DHX35: variants seen among roughly 807,000 people sequenced by gnomAD.
The protein encoded by DHX35 is DEAH-box helicase 35.
DHX35 carries 84 observed loss-of-function variants against 99.6 expected under a neutral mutation model. That is an observed-to-expected ratio of 0.84 (90% CI 0.71 to 1.01). The LOEUF is 1.01. Ranked by LOEUF, DHX35 falls within the 50% of genes least tolerant of loss-of-function variation. The pLI is 0.00. For missense variants in DHX35, 852 were observed against 888.5 expected (o/e 0.96, Z 0.52); for synonymous variants, 331 against 316.2 (o/e 1.05, Z -0.50).
In DHX35 at chr20:38,973,829, C is replaced by T. The variant is rs566740047; in HGVS notation, c.267+1178C>T. 3.3e-5 allele frequency among the ~76,000 whole-genome samples: 5 copies of T among 152,296 alleles called. No individual in the cohort carries two copies. In the East Asian group the frequency reaches 7.7e-4, roughly 23 times the overall value. On this transcript the variant is annotated intron_variant, in intron 3 of 21. Coordinates refer to ENST00000252011, the MANE Select transcript of DHX35 (RefSeq NM_021931.4). ...TTGAACAGTTTTGACAGAGACCCTA[C>T]GATCCTCAAAACCTAAAAATTACCA...
At chr20:38,966,819 A>G (rs2085918761) in intron 1 of DHX35, among the ~76,000 whole-genome samples, 1 of 152,268 alleles carries the variant, frequency 6.6e-6, no homozygotes, top group African/African-American at 2.4e-5. Context: ...GGACAAAAAC[A>G]CAGCAGAAAA....
At chr20:38,987,047 G>A (rs1420989001) in intron 4 of DHX35, among the ~76,000 whole-genome samples, 2 of 152,214 alleles carry the variant, frequency 1.3e-5, no homozygotes, top group African/African-American at 4.8e-5. Context: ...ACATGTGCCA[G>A]CCATGTTCTA....
rs181603012 is a variant in DHX35, at chr20:38,991,427, C to T, written c.451-27C>T. Reference sequence around the variant, plus strand: ...AATATGTAGTGTAAGTGAATTATTTCTAAAGCTTTGTGTTTTTATTTTTTA... The same window carrying T: ...AATATGTAGTGTAAGTGAATTATTTTTAAAGCTTTGTGTTTTTATTTTTTA... On this transcript the variant is annotated intron_variant, in intron 5 of 21. Coordinates refer to ENST00000252011, the MANE Select transcript of DHX35 (RefSeq NM_021931.4). 1.0e-5 allele frequency: 16 copies of T among 1,603,638 alleles called. No homozygotes were observed. The Admixed American group carries it at 1.0e-4, about 10-fold the overall frequency.
At chr20:39,007,162 G>A (rs980073485) in intron 12 of DHX35, among the ~76,000 whole-genome samples, 1 of 152,134 alleles carries the variant, frequency 6.6e-6, no homozygotes, top group Non-Finnish European at 1.5e-5. Context: ...AAGGTCCAGG[G>A]GTTTTAGCTC....
intron 21 of DHX35, 84 bp from the exon 22 acceptor site, chr20:39,038,415 G>A (rs1345320243): frequency 2.8e-6 from 4 of 1,416,590 alleles, no homozygotes; most frequent in Non-Finnish European, 2.0e-6. Context: ...AAGATTTGAT[G>A]TGGTCATTCA....
intron 14 of DHX35, among the ~76,000 whole-genome samples, chr20:39,016,754 T>G (rs917563746): frequency 6.6e-6 from 1 of 152,206 alleles, no homozygotes; most frequent in Non-Finnish European, 1.5e-5. Flanking sequence ...GATTTGCGTT[T>G]CCCTGATGAG....
At position 38,969,093 on chromosome 20, in the gene DHX35, C is replaced by T; in HGVS notation, c.53C>T (p.Pro18Leu). 6.2e-7 allele frequency: 1 copy of T among 1,610,114 alleles called. No homozygotes were observed. Among genetic ancestry groups the T allele is most frequent in the Non-Finnish European group, 8.5e-7 (1 of 1,177,510 alleles). The change falls in exon 2 of 22, where the codon CCA becomes CTA. Residue 18 changes from proline to leucine, a missense_variant. Coordinates refer to ENST00000252011, the MANE Select transcript of DHX35 (RefSeq NM_021931.4). The stretch of plus-strand genomic sequence containing the variant: ...ATTTCTGCTGCAGGTACAGAGGGGC[C>T]AGGTGTAAGCATCTCTGAAGAGAGA... ...VKFWRPGTEG[P>L]GVSISEERQS...
chr20:39,033,611 A>G (rs1012012725), intron 20 of DHX35, among the ~76,000 whole-genome samples: 9 of 152,190 alleles, frequency 5.9e-5, no homozygotes, highest in African/African-American at 1.9e-4. Context: ...TCAGAAACTG[A>G]TATCTACTCA....
intron 8 of DHX35, among the ~76,000 whole-genome samples, chr20:39,001,360 G>A (rs1479772115): frequency 6.6e-6 from 1 of 152,156 alleles, no homozygotes; most frequent in Non-Finnish European, 1.5e-5. Context: ...CATCTAACCT[G>A]TACTGAACTT....
intron 2 of DHX35, among the ~76,000 whole-genome samples, chr20:38,970,681 G>A (rs2085981752): frequency 6.6e-6 from 1 of 152,188 alleles, no homozygotes; most frequent in Admixed American, 6.5e-5. Flanking sequence ...ATGAGGACCA[G>A]ATGAGATCAT....
In DHX35 at chr20:39,001,728, A is replaced by C; in HGVS notation, c.643-2A>C. 1 of 1,598,616 alleles carries C rather than the reference A, an allele frequency of 6.3e-7. No homozygotes were observed. On this transcript the variant is annotated splice_acceptor_variant, in intron 8 of 21. Coordinates refer to ENST00000252011, the MANE Select transcript of DHX35 (RefSeq NM_021931.4). LOFTEE classifies it high-confidence loss of function. The stretch of plus-strand genomic sequence containing the variant: ...ATGAAGAATTAATTTTTTTCTTTTT[A>C]GAAATTCCGGGATTTCTTTAATCAA...
intron 3 of DHX35, chr20:38,978,112 C>T (rs1267166563): frequency 2.5e-5 from 19 of 770,294 alleles, no homozygotes; most frequent in Non-Finnish European, 4.1e-5. Context: ...CCCTGAGCCA[C>T]ACTTCAACTG....
intron 5 of DHX35, 122 bp downstream of exon 5, chr20:38,989,039 A>G: frequency 9.2e-7 from 1 of 1,084,894 alleles, no homozygotes; most frequent in Non-Finnish European, 1.3e-6. Flanking sequence ...AGTGAAGAAA[A>G]GTATCCTGAC....
intron 7 of DHX35, among the ~76,000 whole-genome samples, chr20:38,992,811 T>A (rs2086361774): frequency 6.6e-6 from 1 of 152,218 alleles, no homozygotes; most frequent in Non-Finnish European, 1.5e-5. Flanking sequence ...ATAAAGTATT[T>A]AACTTCCCCT....
intron 15 of DHX35, among the ~76,000 whole-genome samples, chr20:39,020,969 C>T (rs1222274674): frequency 1.3e-5 from 2 of 152,074 alleles, no homozygotes. Context: ...GGCCGAGAAA[C>T]AGGATTCTAA....
At chr20:38,971,692 C>A (rs974881758) in intron 2 of DHX35, among the ~76,000 whole-genome samples, 1 of 152,150 alleles carries the variant, frequency 6.6e-6, no homozygotes, top group Non-Finnish European at 1.5e-5. Flanking sequence ...TACGTGTTTG[C>A]CCTAAGAAGA....
At position 38,992,445 on chromosome 20, in the gene DHX35, T is replaced by G. The variant is rs199775508; in HGVS notation, c.582+20T>G. ...AAAAAGGTATGACTTCACTGCCAGCTTTTCATTGTGTGTGTTTATTTTATT... is the reference window on the plus strand; with the variant it reads ...AAAAAGGTATGACTTCACTGCCAGCGTTTCATTGTGTGTGTTTATTTTATT... On this transcript the variant is annotated intron_variant, in intron 7 of 21. Coordinates refer to ENST00000252011, the MANE Select transcript of DHX35 (RefSeq NM_021931.4). 134 of 1,612,458 alleles carry G rather than the reference T, an allele frequency of 8.3e-5. No individual in the cohort carries two copies. The highest frequency in any genetic ancestry group is 1.1e-4 in the Non-Finnish European group (127 of 1,178,630).
chr20:38,996,514 T>C (rs1213459130), intron 8 of DHX35, among the ~76,000 whole-genome samples: 1 of 152,198 alleles, frequency 6.6e-6, no homozygotes, highest in East Asian at 1.9e-4. Flanking sequence ...GAGAGGGCAG[T>C]GACTTCATCA....
At chr20:38,972,244 A>G (rs8118646) in intron 2 of DHX35, among the ~76,000 whole-genome samples, 53,831 of 151,930 alleles carry the variant, frequency 0.35, 9,775 homozygotes, top group Middle Eastern at 0.52. Context: ...TCCTGACCTC[A>G]TGATCCACCC....
Sources: gnomAD v4.1 joint callset for allele counts (sites outside exome capture counted in the v4.1 genomes callset) on GRCh38, gnomAD v4.1.1 for gene constraint, MANE v1.5 for transcripts, NCBI Gene and HGNC (gene_info 2026-07-23, HGNC 2026-07-21) for gene names.